Variants in VTI1A observed in about 807,000 individuals in gnomAD.
The protein encoded by VTI1A is vesicle transport through interaction with t-SNAREs homolog 1A.
A neutral mutation model predicts 34.9 loss-of-function variants in VTI1A; 22 were observed. The ratio of observed to expected loss-of-function variants is 0.63; its 90% CI spans 0.45 to 0.90. VTI1A has a LOEUF of 0.90. Among genes scored for constraint, VTI1A ranks in the 40% least tolerant of loss-of-function variants. The pLI is 0.00. For missense variants in VTI1A, 268 were observed against 275.6 expected (o/e 0.97, Z 0.20); for synonymous variants, 87 against 97.3 (o/e 0.89, Z 0.62).
intron 7 of VTI1A, among the ~76,000 whole-genome samples, chr10:112,695,733 C>T (rs952683161): frequency 6.6e-6 from 1 of 152,094 alleles, no homozygotes; most frequent in Non-Finnish European, 1.5e-5. Flanking sequence ...AGCTTGCCCA[C>T]ACCCAAGCAG....
chr10:112,628,478 A>G (rs1256672648), intron 5 of VTI1A, among the ~76,000 whole-genome samples: 2 of 152,170 alleles, frequency 1.3e-5, no homozygotes, highest in Non-Finnish European at 2.9e-5. Context: ...GGTAAGATTT[A>G]TTTAATCATG....
chr10:112,768,034 T>G (rs957251524), intron 7 of VTI1A, among the ~76,000 whole-genome samples: 1 of 152,314 alleles, frequency 6.6e-6, no homozygotes, highest in East Asian at 1.9e-4. Context: ...ATGTGATAGG[T>G]GACCTCCAGG....
intron 7 of VTI1A, among the ~76,000 whole-genome samples, chr10:112,760,284 A>C (rs1851418993): frequency 6.6e-6 from 1 of 152,210 alleles, no homozygotes; most frequent in Non-Finnish European, 1.5e-5. Flanking sequence ...TGTAATTTAT[A>C]AATTAGGCAC....
chr10:112,455,169 T>TCCCCCCCTCCCCCTCCCCCCCTCC (rs1462153033), intron 1 of VTI1A, among the ~76,000 whole-genome samples: 1 of 4,000 alleles, frequency 2.5e-4, no homozygotes, highest in Non-Finnish European at 4.7e-4. Context: ...CCTCCTCCCC[T>TCCCCCCCTCCCCCTCCCCCCCTCC]CCTCCCCTCC....
intron 5 of VTI1A, among the ~76,000 whole-genome samples, chr10:112,601,335 A>G (rs550601859): frequency 3.9e-5 from 6 of 152,292 alleles, no homozygotes; most frequent in South Asian, 4.2e-4. Context: ...TTGAAGTTCA[A>G]TAAAAACTGG....
chr10:112,453,234 A>G (rs536504166), intron 1 of VTI1A, among the ~76,000 whole-genome samples: 2 of 152,308 alleles, frequency 1.3e-5, no homozygotes, highest in Admixed American at 1.3e-4. Flanking sequence ...ACCACATACC[A>G]AGAATACATA....
intron 5 of VTI1A, among the ~76,000 whole-genome samples, chr10:112,600,772 C>T (rs143560443): frequency 0.01 from 1,567 of 152,260 alleles, 20 homozygotes; most frequent in South Asian, 0.041. Flanking sequence ...CAAAAAATCA[C>T]GAATGAATGA....
Position 112,538,539 on chromosome 10 carries a change from A to G in VTI1A, c.427+209A>G, listed in dbSNP as rs563738205. ...TACTGAAAACAGTTCCTGAGGTTTA[A>G]AAGTATACATCTGAAAAGAGATGGA... On this transcript the variant is annotated intron_variant, in intron 5 of 7. Transcript: ENST00000393077. The G allele has an allele frequency of 1.2e-5, 6 of 512,510 alleles. No individual in the cohort carries two copies. In the South Asian group the frequency reaches 1.5e-4, roughly 13 times the overall value. 31.7% of individuals were successfully genotyped at this position (512,510 alleles called of 1,614,324 possible).
chr10:112,698,355 C>T, intron 7 of VTI1A, among the ~76,000 whole-genome samples: 1 of 152,172 alleles, frequency 6.6e-6, no homozygotes. Context: ...CCCCTCATTT[C>T]TCACTGTTGC....
chr10:112,668,422 G>A, intron 6 of VTI1A, 134 bp downstream of exon 6: 2 of 927,274 alleles, frequency 2.2e-6, no homozygotes, highest in Non-Finnish European at 1.6e-6. Context: ...TCTGTGGAAA[G>A]GAAAAGGAAG....
At position 112,736,131 on chromosome 10, in the gene VTI1A, A is replaced by ATATG. The variant is rs1281290338; in HGVS notation, c.560+67136_560+67137insGTAT. Among the ~76,000 whole-genome samples the ATATG allele has an allele frequency of 4.8e-5, 7 of 145,418 alleles. 1 individual carries two copies. In the South Asian group the frequency reaches 1.1e-3, roughly 22 times the overall value. ...TGTGTGTATATATATATATATATAT[A>ATATG]TATATATGTAAATGTATAACTTTTT... On this transcript the variant is annotated intron_variant, in intron 7 of 7. Transcript: ENST00000393077.
intron 5 of VTI1A, among the ~76,000 whole-genome samples, chr10:112,626,543 A>G (rs751720415): frequency 6.6e-6 from 1 of 152,106 alleles, no homozygotes; most frequent in Non-Finnish European, 1.5e-5. Flanking sequence ...TGTGTCCCTA[A>G]AAGTGCTTAG....
intron 5 of VTI1A, among the ~76,000 whole-genome samples, chr10:112,653,642 AGT>A (rs1272298288): frequency 1.7e-4 from 26 of 152,244 alleles, no homozygotes; most frequent in Admixed American, 1.7e-3. Context: ...GTATCCATTA[AGT>A]GCTTAGCACA....
chr10:112,607,656 G>A (rs1217934436), intron 5 of VTI1A, among the ~76,000 whole-genome samples: 1 of 152,182 alleles, frequency 6.6e-6, no homozygotes. Flanking sequence ...TGTGTCTTTG[G>A]GTCATGGATT....
chr10:112,514,173 T>C (rs1395421407), intron 3 of VTI1A, among the ~76,000 whole-genome samples: 1 of 151,954 alleles, frequency 6.6e-6, no homozygotes, highest in Non-Finnish European at 1.5e-5. Context: ...TTTTATTACT[T>C]ATTCAATCTT....
Position 112,523,631 on chromosome 10 carries a change from C to G in VTI1A, c.265-3456C>G, listed in dbSNP as rs556486738. On this transcript the variant is annotated intron_variant, in intron 3 of 7. Coordinates refer to ENST00000393077, the MANE Select transcript of VTI1A (RefSeq NM_145206.4). ...TATTGTCAGCTGAAGCTTTTCTACT[C>G]TTATGGTACAGACCAGAAATTGCAG... is the stretch of plus-strand genomic sequence containing the variant. Among the ~76,000 whole-genome samples the G allele has an allele frequency of 1.1e-4, 17 of 152,098 alleles. No individual in the cohort carries two copies. In the East Asian group the frequency reaches 2.7e-3, roughly 24 times the overall value.
chr10:112,566,289 A>G (rs575041283), intron 5 of VTI1A, among the ~76,000 whole-genome samples: 56 of 152,312 alleles, frequency 3.7e-4, no homozygotes, highest in African/African-American at 1.3e-3. Flanking sequence ...TTACAGTGAT[A>G]TTTCTATTGC....
chr10:112,477,012 G>A (rs1848299753), intron 3 of VTI1A, among the ~76,000 whole-genome samples: 1 of 152,162 alleles, frequency 6.6e-6, no homozygotes, highest in Non-Finnish European at 1.5e-5. Context: ...GTTGAGTTTT[G>A]CTATGTCAAC....
intron 7 of VTI1A, among the ~76,000 whole-genome samples, chr10:112,779,600 G>C (rs765526758): frequency 2.6e-5 from 4 of 152,144 alleles, no homozygotes; most frequent in Non-Finnish European, 5.9e-5. Context: ...GAATGTCTTT[G>C]CTCTGTTAGC....
Sources: gnomAD v4.1 joint callset for allele counts (sites outside exome capture counted in the v4.1 genomes callset) on GRCh38, gnomAD v4.1.1 for gene constraint, MANE v1.5 for transcripts, NCBI Gene and HGNC (gene_info 2026-07-23, HGNC 2026-07-21) for gene names.